Variants in WNT7A observed in about 807,000 individuals in gnomAD.
The protein encoded by WNT7A is protein Wnt-7a.
WNT7A carries 16 observed loss-of-function variants against 28.2 expected under a neutral mutation model. The observed-to-expected ratio is 0.57, with a 90% CI of 0.38 to 0.86. WNT7A has a LOEUF of 0.86. Among genes scored for constraint, WNT7A ranks in the 40% least tolerant of loss-of-function variants. The probability of loss-of-function intolerance (pLI) is 0.00; values close to 1 mark genes in which losing one functional copy is unlikely to be tolerated. For synonymous variants in WNT7A, 190 were observed against 195.9 expected, an observed-to-expected ratio of 0.97 and a Z score of 0.25; for missense variants, 411 against 489.7, an observed-to-expected ratio of 0.84 and a Z score of 1.52.
chr3:13,850,090 C>T (rs1694603456), intron 3 of WNT7A, among the ~76,000 whole-genome samples: 1 of 152,246 alleles, frequency 6.6e-6, no homozygotes, highest in Admixed American at 6.5e-5. Context: ...TCCCCTGAGT[C>T]CTGGCTGCAA....
chr3:13,828,357 C>T (rs373571547), intron 3 of WNT7A, among the ~76,000 whole-genome samples: 4 of 152,306 alleles, frequency 2.6e-5, no homozygotes, highest in South Asian at 2.1e-4. Flanking sequence ...GCAGCTGGGT[C>T]CTGGGAATAT....
At chr3:13,829,081 C>G (rs1015046559) in intron 3 of WNT7A, among the ~76,000 whole-genome samples, 1 of 152,160 alleles carries the variant, frequency 6.6e-6, no homozygotes, top group African/African-American at 2.4e-5. Flanking sequence ...CAACTTCTCC[C>G]TTTCTATCTT....
chr3:13,854,778 G>T lies in WNT7A; in HGVS notation c.324C>A (p.Tyr108Ter). ...GGGCCACGCCGGCGGCAATGATGGC[G>T]TAGGTGAACGCAGCCTCCCGGCTCC... ...KVGSREAAFT[Y>*]AIIAAGVAHA... Residue 108 changes from tyrosine (Y) to a stop codon, truncating the protein, a stop_gained, in exon 3 of 4, where the codon TAC becomes TAA. Coordinates refer to ENST00000285018, the MANE Select transcript of WNT7A (RefSeq NM_004625.4). LOFTEE classifies it high-confidence loss of function. 6.2e-7 allele frequency: 1 copy of T among 1,613,418 alleles called. No homozygotes were observed. The highest frequency in any genetic ancestry group is 8.5e-7 in the Non-Finnish European group (1 of 1,180,048).
intron 2 of WNT7A, among the ~76,000 whole-genome samples, chr3:13,874,014 T>G (rs1456001882): frequency 3.9e-5 from 6 of 152,180 alleles, no homozygotes; most frequent in Admixed American, 3.3e-4. Context: ...TCCTGCCTGC[T>G]GGGTGCAGAA....
At chr3:13,842,781 A>C (rs1008745937) in intron 3 of WNT7A, among the ~76,000 whole-genome samples, 3 of 152,200 alleles carry the variant, frequency 2.0e-5, no homozygotes, top group South Asian at 2.1e-4. Context: ...ACGAGTGCTC[A>C]TGGGCCAGTA....
intron 2 of WNT7A, among the ~76,000 whole-genome samples, chr3:13,868,996 AAG>A (rs541680393): frequency 1.1e-4 from 14 of 122,040 alleles, no homozygotes; most frequent in African/African-American, 3.1e-4. Context: ...GAAAAAGAGA[AAG>A]AGAGAAAGAA....
At chr3:13,835,021 G>A (rs973638869) in intron 3 of WNT7A, among the ~76,000 whole-genome samples, 5 of 152,198 alleles carry the variant, frequency 3.3e-5, no homozygotes, top group African/African-American at 9.6e-5. Flanking sequence ...AAGTGACCTT[G>A]AGCTGAGAAC....
At chr3:13,851,033 G>T (rs1243587017) in intron 3 of WNT7A, among the ~76,000 whole-genome samples, 1 of 151,966 alleles carries the variant, frequency 6.6e-6, no homozygotes, top group African/African-American at 2.4e-5. Context: ...AAACACCATG[G>T]CTTCCATTAC....
At chr3:13,837,842 A>G (rs537915783) in intron 3 of WNT7A, among the ~76,000 whole-genome samples, 3 of 152,230 alleles carry the variant, frequency 2.0e-5, no homozygotes, top group South Asian at 2.1e-4. Context: ...AAGAAGCCCT[A>G]TGAACTTCCC....
Position 13,846,240 on chromosome 3 carries a change from G to A in WNT7A, c.570+8292C>T, listed in dbSNP as rs563850405. Among the ~76,000 whole-genome samples, 31 of 152,384 alleles carry A rather than the reference G, an allele frequency of 2.0e-4. No homozygotes were observed. In the South Asian group the frequency reaches 3.9e-3, roughly 19 times the overall value. On this transcript the variant is annotated intron_variant, in intron 3 of 3. Coordinates refer to ENST00000285018, the MANE Select transcript of WNT7A (RefSeq NM_004625.4). ...TGGGGCCTTCTAGGGGCCGAGGACT[G>A]TAGTCTCCAAATTCCTCAAATCAGA... is the stretch of plus-strand genomic sequence containing the variant.
chr3:13,824,403 G>A (rs180922446), intron 3 of WNT7A, among the ~76,000 whole-genome samples: 93 of 152,306 alleles, frequency 6.1e-4, no homozygotes, highest in Admixed American at 1.9e-3. Flanking sequence ...AGTTTTCAGG[G>A]TCTGTGCATG....
At chr3:13,870,797 G>A (rs764875637) in intron 2 of WNT7A, among the ~76,000 whole-genome samples, 6 of 152,212 alleles carry the variant, frequency 3.9e-5, no homozygotes, top group Admixed American at 6.5e-5. Context: ...TGGGGTTGCC[G>A]GATGCCAACG....
intron 1 of WNT7A, among the ~76,000 whole-genome samples, chr3:13,877,807 A>ATTATCG (rs1414865160): frequency 6.6e-6 from 1 of 152,228 alleles, no homozygotes; most frequent in Non-Finnish European, 1.5e-5. Context: ...TGTAATTATC[A>ATTATCG]TTATCGTTAT....
intron 2 of WNT7A, among the ~76,000 whole-genome samples, chr3:13,872,495 A>G (rs1425501036): frequency 1.3e-5 from 2 of 152,074 alleles, no homozygotes; most frequent in African/African-American, 4.8e-5. Context: ...TTGACCCTGT[A>G]TACCTCCTGG....
chr3:13,821,770 C>T (rs545878524), intron 3 of WNT7A, among the ~76,000 whole-genome samples: 1 of 152,286 alleles, frequency 6.6e-6, no homozygotes, highest in Admixed American at 6.5e-5. Flanking sequence ...CAAGGTTATT[C>T]CCAGGGCGGG....
In WNT7A at chr3:13,818,851, G is replaced by A. The variant is rs1298070004; in HGVS notation, c.*93C>T. The A allele has an allele frequency of 6.8e-7, 1 of 1,477,992 alleles. No individual in the cohort carries two copies. The highest frequency in any genetic ancestry group is 9.0e-7 in the Non-Finnish European group (1 of 1,114,494). 91.6% of individuals were successfully genotyped at this position (1,477,992 alleles called of 1,614,324 possible). A position where few individuals can be genotyped will look rare whatever the true frequency, so the allele number is the denominator to read the frequency against. On this transcript the variant is annotated 3_prime_UTR_variant, in exon 4 of 4. Coordinates refer to ENST00000285018, the MANE Select transcript of WNT7A (RefSeq NM_004625.4). Reference sequence around the variant, plus strand: ...GTACCCTCCTCAGCAGAAAAGACAAGCTCAGCATCCTGCCAGGGAGCCCGC... The same window carrying A: ...GTACCCTCCTCAGCAGAAAAGACAAACTCAGCATCCTGCCAGGGAGCCCGC...
intron 3 of WNT7A, among the ~76,000 whole-genome samples, chr3:13,834,614 C>T (rs962283009): frequency 6.6e-6 from 1 of 152,148 alleles, no homozygotes; most frequent in Non-Finnish European, 1.5e-5. Flanking sequence ...GCACCCCAGG[C>T]ATGCTCCTGC....
rs56310936 is a variant in WNT7A, at chr3:13,856,899, G to A, written c.299-2096C>T. 8.3e-3 allele frequency among the ~76,000 whole-genome samples: 386 copies of A among 46,514 alleles called. 1 individual carries two copies. The highest frequency in any genetic ancestry group is 0.014 in the South Asian group (16 of 1,112). 30.5% of individuals were successfully genotyped at this position (46,514 alleles called of 152,430 possible). ...AGAAGAGGAAGAAGAAGAAAAAGAAGAAGAAGAAGAAGAAGAAGAAGAAGA... is the reference window on the plus strand; with the variant it reads ...AGAAGAGGAAGAAGAAGAAAAAGAAAAAGAAGAAGAAGAAGAAGAAGAAGA... On this transcript the variant is annotated intron_variant, in intron 2 of 3. Coordinates refer to ENST00000285018, the MANE Select transcript of WNT7A (RefSeq NM_004625.4).
chr3:13,825,699 G>A (rs1411845322), intron 3 of WNT7A, among the ~76,000 whole-genome samples: 3 of 152,140 alleles, frequency 2.0e-5, no homozygotes, highest in Non-Finnish European at 4.4e-5. Flanking sequence ...CCCTGCATCT[G>A]GGGACCAAGA....
Sources: allele counts gnomAD v4.1 joint callset (sites outside exome capture counted in the v4.1 genomes callset), GRCh38; gene constraint gnomAD v4.1.1; transcripts MANE v1.5; gene names NCBI Gene and HGNC (gene_info 2026-07-23, HGNC 2026-07-21).